The following CTBP2 variants were observed in gnomAD, a reference collection of about 807,000 sequenced individuals.
The protein encoded by CTBP2 is C-terminal-binding protein 2.
Under a neutral mutation model 80.3 loss-of-function variants are expected in CTBP2, and 30 were observed. The observed-to-expected ratio is 0.37, with a 90% CI of 0.28 to 0.51. The LOEUF is 0.51. Among genes scored for constraint, CTBP2 ranks in the 20% least tolerant of loss-of-function variants. The probability of loss-of-function intolerance (pLI) is 0.93; values close to 1 mark genes in which losing one functional copy is unlikely to be tolerated. For missense variants in CTBP2, 1,212 were observed against 1,375.3 expected, an observed-to-expected ratio of 0.88 and a Z score of 1.88; for synonymous variants, 594 against 587.4, an observed-to-expected ratio of 1.01 and a Z score of -0.16.
At chr10:125,052,601 C>T (rs893050327) in intron 2 of CTBP2, among the ~76,000 whole-genome samples, 1 of 152,192 alleles carries the variant, frequency 6.6e-6, no homozygotes, top group African/African-American at 2.4e-5. Flanking sequence ...AAGGTGATCC[C>T]CACACGGCCC....
intron 1 of CTBP2, among the ~76,000 whole-genome samples, chr10:125,134,088 C>A (rs894998824): frequency 1.3e-5 from 2 of 152,312 alleles, no homozygotes; most frequent in East Asian, 3.8e-4. Flanking sequence ...TGGAAACATT[C>A]CGAAGTCCTG....
intron 2 of CTBP2, among the ~76,000 whole-genome samples, chr10:125,103,778 C>T (rs1016603524): frequency 2.0e-5 from 3 of 152,108 alleles, no homozygotes; most frequent in African/African-American, 7.2e-5. Flanking sequence ...GGGGTATATC[C>T]TACAAACCTG....
chr10:125,027,429 AGTACTCCC>A lies in CTBP2; in HGVS notation c.323_330del (p.Arg108LeufsTer3), dbSNP rs763073111. The A allele has an allele frequency of 1.2e-6, 2 of 1,614,016 alleles. No individual in the cohort carries two copies. Among genetic ancestry groups the A allele is most frequent in the Admixed American group, 1.7e-5 (1 of 60,010 alleles). ...CTAGCAGCTCCAGACGGATCACTGTAGTACTCCCGTGGCAGCAGGGGGCTGCGACCAGA... is the reference window on the plus strand; with the variant it reads ...CTAGCAGCTCCAGACGGATCACTGTAGTGGCAGCAGGGGGCTGCGACCAGA... On this transcript the variant is annotated frameshift_variant, in exon 1 of 9. Transcript: ENST00000309035. LOFTEE classifies it high-confidence loss of function.
At chr10:125,051,916 C>T (rs1413357236) in intron 2 of CTBP2, among the ~76,000 whole-genome samples, 1 of 152,122 alleles carries the variant, frequency 6.6e-6, no homozygotes, top group Non-Finnish European at 1.5e-5. Flanking sequence ...GGGAAGACGA[C>T]GTGAAGATGG....
At position 124,989,033 on chromosome 10, in the gene CTBP2, A is replaced by G. The variant is rs1952229945; in HGVS notation, c.*485T>C. On this transcript the variant is annotated 3_prime_UTR_variant, in exon 9 of 9. Coordinates refer to ENST00000309035, the MANE Select transcript of CTBP2 (RefSeq NM_022802.3). ...TGCGTGCAGGTGTCTACCACAGGCA[A>G]ACAGTTTTCTCCCCATTTTGTAGTA... is the stretch of plus-strand genomic sequence containing the variant. 1 of 206,172 alleles carries G rather than the reference A, an allele frequency of 4.9e-6. No homozygotes were observed. Among genetic ancestry groups the G allele is most frequent in the African/African-American group, 2.4e-5 (1 of 41,860 alleles). 12.8% of individuals were successfully genotyped at this position (206,172 alleles called of 1,614,324 possible). A position where few individuals can be genotyped will look rare whatever the true frequency, so the allele number is the denominator to read the frequency against.
At chr10:125,147,214 G>A (rs547776506) in intron 1 of CTBP2, among the ~76,000 whole-genome samples, 6 of 152,098 alleles carry the variant, frequency 3.9e-5, no homozygotes, top group African/African-American at 1.4e-4. Context: ...TCATGCCCAC[G>A]TTCACTGTGG....
rs1413244482 is a variant in CTBP2 at position 124,988,955 on chromosome 10, T to A, written c.*563A>T. 1 of 153,160 alleles carries A rather than the reference T, an allele frequency of 6.5e-6. No homozygotes were observed. Among genetic ancestry groups the A allele is most frequent in the Non-Finnish European group, 1.5e-5 (1 of 68,608 alleles). The allele number at this position is 153,160 out of a possible 1,614,324, so 9.5% of individuals were successfully genotyped here. A position where few individuals can be genotyped will look rare whatever the true frequency, so the allele number is the denominator to read the frequency against. On this transcript the variant is annotated 3_prime_UTR_variant, in exon 9 of 9. Transcript: ENST00000309035. ...CCGACTTGCCCGCTCAGTATGCAGTTCAGATGTGAGAGGCGCTTCTCTGTA... is the reference window on the plus strand; with the variant it reads ...CCGACTTGCCCGCTCAGTATGCAGTACAGATGTGAGAGGCGCTTCTCTGTA...
chr10:125,068,049 G>T (rs1844911380), intron 2 of CTBP2, among the ~76,000 whole-genome samples: 1 of 152,174 alleles, frequency 6.6e-6, no homozygotes, highest in Admixed American at 6.5e-5. Flanking sequence ...ACTACCTCCA[G>T]ACAGTCAGAT....
chr10:125,135,433 TCC>T (rs577594551), intron 1 of CTBP2, among the ~76,000 whole-genome samples: 1 of 151,958 alleles, frequency 6.6e-6, no homozygotes, highest in Non-Finnish European at 1.5e-5. Flanking sequence ...CCCCATCCCA[TCC>T]CCCATCGCCT....
chr10:125,014,586 C>A (rs1956283443), intron 1 of CTBP2, among the ~76,000 whole-genome samples: 1 of 152,258 alleles, frequency 6.6e-6, no homozygotes, highest in South Asian at 2.1e-4. Flanking sequence ...GGGGAGCAAC[C>A]TCTTGGCGGC....
chr10:125,115,481 A>T (rs1399637471), intron 1 of CTBP2, among the ~76,000 whole-genome samples: 2 of 152,168 alleles, frequency 1.3e-5, no homozygotes, highest in African/African-American at 2.4e-5. Flanking sequence ...GGTGGCTGAG[A>T]AGTAGTATCC....
At chr10:125,145,226 C>G (rs1041927649) in intron 1 of CTBP2, among the ~76,000 whole-genome samples, 8 of 152,120 alleles carry the variant, frequency 5.3e-5, no homozygotes, top group Non-Finnish European at 1.2e-4. Flanking sequence ...CTGCTGTTGG[C>G]AGTTTCGGGC....
In CTBP2 at chr10:125,045,283, G is replaced by C. The variant is rs145023097; in HGVS notation, c.-101-6128C>G. Among the ~76,000 whole-genome samples the C allele has an allele frequency of 3.6e-3, 552 of 152,304 alleles. 3 individuals are homozygous for C. The highest frequency in any genetic ancestry group is 0.013 in the African/African-American group (532 of 41,572). ...TACATTTCCTAGGCTCCAGAGCTGT[G>C]AGAAATAAAGCCACTCAGTCGATGG... On this transcript the variant is annotated intron_variant, in intron 2 of 10. Transcript: ENST00000337195.
rs1952033972 is a variant in CTBP2 at position 124,986,277 on chromosome 10, GCACGCGCGCGCGCGCACACACACACA to G, written c.*3215_*3240del. ...CCAGGAATTTGGAAAGACGACACAC[GCACGCGCGCGCGCGCACACACACACA>G]CACACACACACACACACACAGTTTT... On this transcript the variant is annotated 3_prime_UTR_variant, in exon 9 of 9. Coordinates refer to ENST00000309035, the MANE Select transcript of CTBP2 (RefSeq NM_022802.3). The G allele has an allele frequency of 4.7e-5, 1 of 21,408 alleles. No individual in the cohort carries two copies. The highest frequency in any genetic ancestry group is 2.5e-3 in the South Asian group (1 of 400). The allele number at this position is 21,408 out of a possible 1,614,324, so 1.3% of individuals were successfully genotyped here.
chr10:125,089,878 G>A (rs1046457438), intron 2 of CTBP2, among the ~76,000 whole-genome samples: 3 of 152,144 alleles, frequency 2.0e-5, no homozygotes, highest in African/African-American at 7.2e-5. Flanking sequence ...GCCTCTGTTG[G>A]CTCAGTTTCA....
chr10:125,029,245 G>GTTTT (rs34949118), upstream of CTBP2, among the ~76,000 whole-genome samples: 5 of 137,820 alleles, frequency 3.6e-5, no homozygotes, highest in Non-Finnish European at 4.6e-5. Context: ...TTGAGACACA[G>GTTTT]TTTTTTTTTT....
intron 2 of CTBP2, among the ~76,000 whole-genome samples, chr10:125,087,216 A>T (rs1848124208): frequency 6.6e-6 from 1 of 151,504 alleles, no homozygotes; most frequent in Admixed American, 6.6e-5. Context: ...CTGGGATTAT[A>T]GCCTGCCACC....
At chr10:125,095,964 G>A (rs184273973) in intron 2 of CTBP2, among the ~76,000 whole-genome samples, 37 of 152,056 alleles carry the variant, frequency 2.4e-4, no homozygotes, top group Non-Finnish European at 5.0e-4. Flanking sequence ...TCACCCCCTC[G>A]GCCCTAACGC....
chr10:125,098,740 GAGAGAGAGAC>G lies in CTBP2; in HGVS notation c.-102+12240_-102+12249del, dbSNP rs1564914514. ...AGAGAGAGACAGAGAGAGAGAGAGAGAGAGAGAGACAGAGAGAGAGAGAGAGAGAGAGAGA... is the reference window on the plus strand; with the variant it reads ...AGAGAGAGACAGAGAGAGAGAGAGAGAGAGAGAGAGAGAGAGAGAGAGAGA... On this transcript the variant is annotated intron_variant, in intron 2 of 10. Transcript: ENST00000337195. Among the ~76,000 whole-genome samples, 167 of 114,760 alleles carry G rather than the reference GAGAGAGAGAC, an allele frequency of 1.5e-3. 2 individuals are homozygous for G. The highest frequency in any genetic ancestry group is 3.5e-3 in the African/African-American group (96 of 27,156). 75.3% of individuals were successfully genotyped at this position (114,760 alleles called of 152,430 possible).
Sources: allele counts gnomAD v4.1 joint callset (sites outside exome capture counted in the v4.1 genomes callset), GRCh38; gene constraint gnomAD v4.1.1; transcripts MANE v1.5; gene names NCBI Gene and HGNC (gene_info 2026-07-23, HGNC 2026-07-21).